The following RYR3 variants were observed in gnomAD, a reference collection of about 807,000 sequenced individuals.
RYR3 encodes brain ryanodine receptor-calcium release channel.
RYR3 carries 207 observed loss-of-function variants against 584.3 expected under a neutral mutation model. That is an observed-to-expected ratio of 0.35 (90% confidence interval 0.32 to 0.40). RYR3 has a LOEUF of 0.40. Ranked by LOEUF, RYR3 falls within the 10% of genes least tolerant of loss-of-function variation. The pLI, the probability that RYR3 is intolerant of heterozygous loss-of-function variation, is 1.00. For missense variants in RYR3, 5,616 were observed against 6,089.2 expected (o/e 0.92, Z 2.59); for synonymous variants, 2,416 against 2,248.5 (o/e 1.07, Z -2.11).
At chr15:33,708,205 C>T (rs533822769) in intron 43 of RYR3, among the ~76,000 whole-genome samples, 7 of 152,280 alleles carry the variant, frequency 4.6e-5, no homozygotes, top group East Asian at 3.9e-4. Flanking sequence ...AGAATTAACA[C>T]GGAGTTACTG....
chr15:33,614,631 T>G (rs2060360702), intron 19 of RYR3, among the ~76,000 whole-genome samples: 1 of 152,150 alleles, frequency 6.6e-6, no homozygotes, highest in Non-Finnish European at 1.5e-5. Flanking sequence ...TATTTATTTT[T>G]TGGTAGATAT....
At chr15:33,748,735 C>G (rs561396312) in intron 55 of RYR3, among the ~76,000 whole-genome samples, 20 of 152,180 alleles carry the variant, frequency 1.3e-4, no homozygotes, top group Admixed American at 2.0e-4. Context: ...TGCGCTTCTT[C>G]TAAGGACTTC....
Position 33,823,052 on chromosome 15 carries a change from T to G in RYR3, c.11052T>G (p.Ser3684=), listed in dbSNP as rs1336679931. 1 of 1,613,442 alleles carries G rather than the reference T, an allele frequency of 6.2e-7. No individual in the cohort carries two copies. The highest frequency in any genetic ancestry group is 1.3e-5 in the African/African-American group (1 of 74,920). Residue 3684 remains serine, a synonymous_variant, in exon 81 of 104, where the codon TCT becomes TCG. Coordinates refer to ENST00000634891, the MANE Select transcript of RYR3 (RefSeq NM_001036.6). The part of the protein sequence containing the change: ...KKDAGFFQSL[S]GLMQSCSVLD... ...ATGCTGGATTCTTTCAAAGCCTTTC[T>G]GGTCTTATGCAGTCTTGCAGGTAAA...
At position 33,534,397 on chromosome 15, in the gene RYR3, G is replaced by A. The variant is rs529987026; in HGVS notation, c.433+1008G>A. Among the ~76,000 whole-genome samples, 7 of 152,308 alleles carry A rather than the reference G, an allele frequency of 4.6e-5. No individual in the cohort carries two copies. The East Asian group carries it at 7.7e-4, about 17-fold the overall frequency. On this transcript the variant is annotated intron_variant, in intron 5 of 103. Coordinates refer to ENST00000634891, the MANE Select transcript of RYR3 (RefSeq NM_001036.6). The stretch of plus-strand genomic sequence containing the variant: ...GCCTGGGGGAGAAGAGCGAGACTTC[G>A]TCTCGAAAGAAAAAAGTAGTAAAAC...
intron 39 of RYR3, among the ~76,000 whole-genome samples, 169 bp downstream of exon 39, chr15:33,696,660 C>A (rs2065882864): frequency 6.6e-6 from 1 of 152,210 alleles, no homozygotes. Context: ...AGAGACCCAA[C>A]TACTCACAGT....
In RYR3 at chr15:33,499,067, ATT is replaced by A. The variant is rs747421737; in HGVS notation, c.172-4563_172-4562del. 2.0e-5 allele frequency among the ~76,000 whole-genome samples: 3 copies of A among 152,086 alleles called. No homozygotes were observed. The East Asian group carries it at 5.8e-4, about 29-fold the overall frequency. ...ACATAACTTGCTCTAATGGCACCCT[ATT>A]CTCTGAAAATGAAGCCCAAACTCCT... On this transcript the variant is annotated intron_variant, in intron 2 of 103. Transcript: ENST00000634891.
At chr15:33,416,380 T>C (rs1220738993) in intron 1 of RYR3, among the ~76,000 whole-genome samples, 1 of 152,226 alleles carries the variant, frequency 6.6e-6, no homozygotes, top group East Asian at 1.9e-4. Flanking sequence ...TTTTTGACTT[T>C]TTAATAGTAG....
At chr15:33,835,409 C>T (rs996053267) in intron 87 of RYR3, among the ~76,000 whole-genome samples, 4 of 152,148 alleles carry the variant, frequency 2.6e-5, no homozygotes, top group African/African-American at 4.8e-5. Flanking sequence ...CTACCAGCCC[C>T]GTCTGACTTG....
chr15:33,753,718 C>T (rs1052680950), intron 57 of RYR3, among the ~76,000 whole-genome samples: 1 of 152,002 alleles, frequency 6.6e-6, no homozygotes, highest in Non-Finnish European at 1.5e-5. Flanking sequence ...ACTTATTTGC[C>T]GTGTTGTCGA....
At chr15:33,826,856 C>A in intron 84 of RYR3, 104 bp downstream of exon 84, 1 of 795,292 alleles carries the variant, frequency 1.3e-6, no homozygotes, top group Non-Finnish European at 2.1e-6. Context: ...AACTCAAGGA[C>A]ATCAGTTAAT....
chr15:33,827,706 A>G (rs2077451887), intron 85 of RYR3, among the ~76,000 whole-genome samples: 1 of 152,170 alleles, frequency 6.6e-6, no homozygotes, highest in African/African-American at 2.4e-5. Flanking sequence ...GTTTCAAGGA[A>G]GCCCAAATTA....
At chr15:33,788,588 T>A in intron 67 of RYR3, 130 bp downstream of exon 67, 1 of 1,004,240 alleles carries the variant, frequency 1.0e-6, no homozygotes, top group Non-Finnish European at 1.4e-6. Context: ...CCCACCATTC[T>A]CCTTCCCAAC....
intron 40 of RYR3, among the ~76,000 whole-genome samples, chr15:33,699,392 C>T (rs2066127788): frequency 6.6e-6 from 1 of 151,816 alleles, no homozygotes; most frequent in South Asian, 2.1e-4. Flanking sequence ...CTCTCTCTCT[C>T]TCTCATCTCT....
In RYR3 at chr15:33,688,550, G is replaced by A. The variant is rs578081871; in HGVS notation, c.5861-7668G>A. Reference sequence around the variant, plus strand: ...ATTGCGCCACTGCACTCCAGCCTGGGCGACAGAGCGAGACTCCATCTCAAA... The same window carrying A: ...ATTGCGCCACTGCACTCCAGCCTGGACGACAGAGCGAGACTCCATCTCAAA... On this transcript the variant is annotated intron_variant, in intron 38 of 103. Coordinates refer to ENST00000634891, the MANE Select transcript of RYR3 (RefSeq NM_001036.6). Among the ~76,000 whole-genome samples, 4 of 147,164 alleles carry A rather than the reference G, an allele frequency of 2.7e-5. No individual in the cohort carries two copies. In the East Asian group the frequency reaches 8.0e-4, roughly 30 times the overall value.
intron 65 of RYR3, among the ~76,000 whole-genome samples, chr15:33,785,125 C>G (rs2074625559): frequency 6.6e-6 from 1 of 152,190 alleles, no homozygotes; most frequent in African/African-American, 2.4e-5. Flanking sequence ...GCTTTTCCCC[C>G]CAGAATTCCA....
At chr15:33,702,171 C>T (rs577078785) in intron 42 of RYR3, among the ~76,000 whole-genome samples, 43 of 152,190 alleles carry the variant, frequency 2.8e-4, no homozygotes, top group African/African-American at 6.7e-4. Flanking sequence ...AGCCAGGCAT[C>T]GAGAGCGCTG....
intron 1 of RYR3, among the ~76,000 whole-genome samples, chr15:33,468,992 A>T (rs1176964600): frequency 2.0e-5 from 3 of 152,212 alleles, no homozygotes; most frequent in Non-Finnish European, 4.4e-5. Context: ...GTTGATGCGA[A>T]GCTTAAATGG....
intron 42 of RYR3, 93 bp from the exon 43 acceptor site, chr15:33,706,826 C>A: frequency 7.9e-7 from 1 of 1,262,840 alleles, no homozygotes; most frequent in Non-Finnish European, 1.1e-6. Context: ...AACTTCTCTA[C>A]ATCCTCAACC....
chr15:33,689,460 CACAT>C (rs1196423676), intron 38 of RYR3, among the ~76,000 whole-genome samples: 3 of 152,118 alleles, frequency 2.0e-5, no homozygotes, highest in Non-Finnish European at 4.4e-5. Flanking sequence ...GATGCACACA[CACAT>C]ACAGGTACTT....
Sources: allele counts gnomAD v4.1 joint callset (sites outside exome capture counted in the v4.1 genomes callset), GRCh38; gene constraint gnomAD v4.1.1; transcripts MANE v1.5; gene names NCBI Gene and HGNC (gene_info 2026-07-23, HGNC 2026-07-21).